Variants in TADA2A observed in about 807,000 individuals in gnomAD.
TADA2A encodes transcriptional adaptor 2A.
A neutral mutation model predicts 67.4 loss-of-function variants in TADA2A; 38 were observed. The observed-to-expected ratio is 0.56, with a 90% CI of 0.44 to 0.74. TADA2A has a LOEUF of 0.74. Among genes scored for constraint, TADA2A ranks in the 30% least tolerant of loss-of-function variants. The pLI is 0.00. For synonymous variants in TADA2A, 192 were observed against 181.6 expected, an observed-to-expected ratio of 1.06 and a Z score of -0.46; for missense variants, 454 against 547.0, an observed-to-expected ratio of 0.83 and a Z score of 1.70.
At chr17:37,420,652 C>G (rs9896461) in intron 2 of TADA2A, among the ~76,000 whole-genome samples, 32,948 of 145,196 alleles carry the variant, frequency 0.23, 6,847 homozygotes, top group East Asian at 0.72. Flanking sequence ...CTCAGCCTCC[C>G]AAAGTGCTGG....
At position 37,419,875 on chromosome 17, in the gene TADA2A, C is replaced by T. The variant is rs1429308360; in HGVS notation, c.26-3634C>T. Among the ~76,000 whole-genome samples, 3 of 144,098 alleles carry T rather than the reference C, an allele frequency of 2.1e-5. 1 individual carries two copies. Among genetic ancestry groups the T allele is most frequent in the South Asian group, 2.3e-4 (1 of 4,384 alleles). 94.5% of individuals were successfully genotyped at this position (144,098 alleles called of 152,430 possible). On this transcript the variant is annotated intron_variant, in intron 2 of 15. Transcript: ENST00000615182. ...CTAAAAATATAAAAAATTAGCCAGT[C>T]GTGGTGGTGTGCACTTGTAGTCCCA... is the stretch of plus-strand genomic sequence containing the variant.
intron 9 of TADA2A, among the ~76,000 whole-genome samples, chr17:37,459,150 C>T (rs1013932731): frequency 6.6e-6 from 1 of 151,730 alleles, no homozygotes; most frequent in Non-Finnish European, 1.5e-5. Context: ...CCTTTATTGA[C>T]GTTATGATGA....
chr17:37,423,545 C>T lies in TADA2A; in HGVS notation c.62C>T (p.Ser21Phe). ...PSDKPPCRGC[S>F]SYLMEPYIKC... ...GATAAGCCACCTTGCCGAGGCTGCT[C>T]CTCCTACCTCATGGAGCCTTATATC... Residue 21 changes from serine to phenylalanine, a missense_variant, in exon 3 of 16, where the codon TCC (serine) becomes TTC (phenylalanine). Ser to Phe is a radical substitution (Grantham distance 155). This residue lies in a region of TADA2A where 403 missense variants were observed against 455.5 expected (regional missense o/e 0.88). Transcript: ENST00000615182. 1 of 1,612,942 alleles carries T rather than the reference C, an allele frequency of 6.2e-7. No individual in the cohort carries two copies. Among genetic ancestry groups the T allele is most frequent in the Non-Finnish European group, 8.5e-7 (1 of 1,179,800 alleles).
chr17:37,474,665 G>C, intron 15 of TADA2A, 36 bp downstream of exon 15: 3 of 1,583,272 alleles, frequency 1.9e-6, no homozygotes, highest in Non-Finnish European at 2.6e-6. Flanking sequence ...AAAGAGAATA[G>C]GGGCTGATTA....
chr17:37,411,316 A>C lies in TADA2A; in HGVS notation c.-50A>C, dbSNP rs1192419832. On this transcript the variant is annotated 5_prime_UTR_variant, in exon 2 of 16. An upstream open reading frame in the 5' UTR loses its in-frame stop. Coordinates refer to ENST00000615182, the MANE Select transcript of TADA2A (RefSeq NM_001166105.3). ...TGTGTTGGCCGGTTCTGAAGTCTTG[A>C]AGAAGCTCTGCTGAGGAAGACCAAA... 1 of 1,607,886 alleles carries C rather than the reference A, an allele frequency of 6.2e-7. No homozygotes were observed. The highest frequency in any genetic ancestry group is 8.5e-7 in the Non-Finnish European group (1 of 1,174,698).
chr17:37,465,306 A>G (rs774375282), intron 10 of TADA2A, 125 bp from the exon 11 acceptor site: 9 of 678,842 alleles, frequency 1.3e-5, no homozygotes, highest in Non-Finnish European at 2.0e-5. Context: ...TGTCATGGAT[A>G]AGTTAGTCAT....
chr17:37,434,411 G>A (rs117072699), intron 4 of TADA2A, among the ~76,000 whole-genome samples: 11 of 152,266 alleles, frequency 7.2e-5, no homozygotes, highest in East Asian at 1.9e-4. Flanking sequence ...TGGGTACACC[G>A]CCCTCTACCT....
At chr17:37,464,077 C>G (rs9909336) in intron 10 of TADA2A, among the ~76,000 whole-genome samples, 36,107 of 152,054 alleles carry the variant, frequency 0.24, 4,402 homozygotes, top group Middle Eastern at 0.35. Flanking sequence ...AGTAGCAGTT[C>G]GAGAGTTACT....
In TADA2A at chr17:37,459,740, G is replaced by A. The variant is rs183525666; in HGVS notation, c.668+1153G>A. ...CCCAAGTAGTTAGGACTACAGGTGC[G>A]CACCACCACACTTGGCTAATTTTAA... On this transcript the variant is annotated intron_variant, in intron 9 of 15. Transcript: ENST00000615182. Among the ~76,000 whole-genome samples the A allele has an allele frequency of 4.7e-3, 709 of 151,786 alleles. 8 individuals are homozygous for A. Among genetic ancestry groups the A allele is most frequent in the African/African-American group, 0.016 (662 of 41,398 alleles).
intron 5 of TADA2A, among the ~76,000 whole-genome samples, 164 bp from the exon 6 acceptor site, chr17:37,440,341 C>A (rs1458773037): frequency 2.0e-5 from 3 of 152,012 alleles, no homozygotes; most frequent in Admixed American, 2.0e-4. Flanking sequence ...CCAATCTAGG[C>A]TTATATTTAT....
intron 8 of TADA2A, among the ~76,000 whole-genome samples, chr17:37,447,303 C>T (rs913464210): frequency 5.3e-5 from 8 of 152,102 alleles, no homozygotes; most frequent in African/African-American, 1.7e-4. Context: ...CTGGGATTAG[C>T]GCCACCATGC....
intron 15 of TADA2A, among the ~76,000 whole-genome samples, chr17:37,475,467 C>T (rs573555626): frequency 2.6e-5 from 4 of 151,464 alleles, no homozygotes; most frequent in African/African-American, 9.7e-5. Flanking sequence ...TGAGCCACCT[C>T]ACCCGGCCTA....
At chr17:37,470,607 C>G in intron 13 of TADA2A, 75 bp downstream of exon 13, 1 of 1,416,568 alleles carries the variant, frequency 7.1e-7, no homozygotes, top group South Asian at 1.6e-5. Context: ...TTTGGGCACC[C>G]TAGATGGCAG....
chr17:37,416,970 T>C (rs1442717861), intron 2 of TADA2A, among the ~76,000 whole-genome samples: 1 of 151,972 alleles, frequency 6.6e-6, no homozygotes, highest in Non-Finnish European at 1.5e-5. Context: ...AATTTTGAAA[T>C]ACCTTTTGAA....
chr17:37,411,924 G>T (rs1211390581), intron 2 of TADA2A, among the ~76,000 whole-genome samples: 7 of 151,468 alleles, frequency 4.6e-5, no homozygotes, highest in Non-Finnish European at 1.0e-4. Context: ...ACAAGAAAAT[G>T]AAGCAGCCGG....
intron 4 of TADA2A, among the ~76,000 whole-genome samples, chr17:37,437,353 A>C (rs2052760941): frequency 6.6e-6 from 1 of 151,356 alleles, no homozygotes; most frequent in Non-Finnish European, 1.5e-5. Context: ...GACCTCCCAA[A>C]GTGCTGGGAT....
intron 2 of TADA2A, among the ~76,000 whole-genome samples, chr17:37,421,104 C>A (rs570043334): frequency 6.8e-6 from 1 of 146,812 alleles, no homozygotes; most frequent in African/African-American, 2.5e-5. Flanking sequence ...GGTTTCAATT[C>A]CCACTCAGAG....
At position 37,474,500 on chromosome 17, in the gene TADA2A, A is replaced by T. The variant is rs2053853344; in HGVS notation, c.1073-56A>T. The T allele has an allele frequency of 1.9e-6, 3 of 1,560,868 alleles. No individual in the cohort carries two copies. The South Asian group carries it at 3.4e-5, about 18-fold the overall frequency. ...TGCACTGAACTTTTTAATACTTTAC[A>T]CCTGAGAAATTGTCACTCCTATTAA... is the stretch of plus-strand genomic sequence containing the variant. On this transcript the variant is annotated intron_variant, in intron 14 of 15. Transcript: ENST00000615182.
intron 12 of TADA2A, among the ~76,000 whole-genome samples, chr17:37,468,618 A>C (rs1421118990): frequency 6.6e-6 from 1 of 151,326 alleles, no homozygotes; most frequent in African/African-American, 2.4e-5. Flanking sequence ...CCTCCCGCCT[A>C]GGCCTCTCAG....
Sources: gnomAD v4.1 joint callset for allele counts (sites outside exome capture counted in the v4.1 genomes callset) on GRCh38, gnomAD v4.1.1 for gene constraint, gnomAD v4.1.1 regional missense constraint, MANE v1.5 for transcripts, NCBI Gene and HGNC (gene_info 2026-07-23, HGNC 2026-07-21) for gene names.